JAK2: variants seen among roughly 807,000 people sequenced by gnomAD.
The protein encoded by JAK2 is tyrosine-protein kinase JAK2.
Under a neutral mutation model 139.3 loss-of-function variants are expected in JAK2, and 86 were observed. The ratio of observed to expected loss-of-function variants is 0.62; its 90% confidence interval spans 0.52 to 0.74. The LOEUF (loss-of-function observed/expected upper bound fraction) is 0.74, where lower values mean the gene tolerates loss of function less well. Ranked by LOEUF, JAK2 falls within the 30% of genes least tolerant of loss-of-function variation. JAK2 has a pLI of 0.00. For missense variants in JAK2, 1,421 were observed against 1,360.3 expected (o/e 1.04, Z -0.70); for synonymous variants, 490 against 437.7 (o/e 1.12, Z -1.49).
chr9:4,999,988 T>C (rs1346185180), intron 2 of JAK2, among the ~76,000 whole-genome samples: 1 of 152,208 alleles, frequency 6.6e-6, no homozygotes. Context: ...CTAAGGAAGC[T>C]AAGGAAGAAA....
At chr9:5,072,743 A>T in intron 13 of JAK2, 117 bp downstream of exon 13, 2 of 677,262 alleles carry the variant, frequency 3.0e-6, no homozygotes, top group Non-Finnish European at 4.4e-6. Context: ...AAATGTGTCA[A>T]GGACTTTTCT....
At chr9:5,062,429 A>G (rs749197584) in intron 8 of JAK2, among the ~76,000 whole-genome samples, 10 of 144,786 alleles carry the variant, frequency 6.9e-5, no homozygotes, top group Non-Finnish European at 1.2e-4. Context: ...AAGTAAGCAT[A>G]TGCTATTGGA....
intron 22 of JAK2, among the ~76,000 whole-genome samples, chr9:5,103,918 G>A (rs964409993): frequency 6.6e-5 from 10 of 152,160 alleles, no homozygotes; most frequent in Non-Finnish European, 1.3e-4. Flanking sequence ...ATTTAAGGCA[G>A]TGTGTAGAGG....
intron 2 of JAK2, among the ~76,000 whole-genome samples, chr9:4,997,132 G>T (rs1463137905): frequency 1.3e-5 from 2 of 151,596 alleles, no homozygotes; most frequent in Non-Finnish European, 2.9e-5. Flanking sequence ...GGGTTTCACC[G>T]TGTCACTCAG....
chr9:5,009,539 C>T (rs1025007408), intron 2 of JAK2, among the ~76,000 whole-genome samples: 1 of 151,894 alleles, frequency 6.6e-6, no homozygotes, highest in African/African-American at 2.4e-5. Flanking sequence ...TCTGAGAATA[C>T]CGAGAAAGAT....
intron 22 of JAK2, chr9:5,097,077 T>A (rs1240803759): frequency 6.6e-6 from 1 of 152,156 alleles, no homozygotes; most frequent in Non-Finnish European, 1.5e-5. Flanking sequence ...ACCTAACACA[T>A]GCAGGATCCT....
At chr9:5,043,675 AAAATAAT>A (rs1816782849) in intron 4 of JAK2, among the ~76,000 whole-genome samples, 1 of 152,240 alleles carries the variant, frequency 6.6e-6, no homozygotes, top group South Asian at 2.1e-4. Flanking sequence ...TCACAATAGA[AAAATAAT>A]AGAAACAAAC....
intron 2 of JAK2, among the ~76,000 whole-genome samples, chr9:4,996,968 C>T: frequency 7.3e-6 from 1 of 136,194 alleles, no homozygotes; most frequent in Admixed American, 7.8e-5. Context: ...TTCACTGTCA[C>T]TCAGGCTGGA....
intron 22 of JAK2, chr9:5,108,166 A>G (rs1302175474): frequency 1.3e-5 from 2 of 152,124 alleles, no homozygotes; most frequent in African/African-American, 4.8e-5. Flanking sequence ...AGCCAATATT[A>G]ACTGTTCAAT....
intron 20 of JAK2, 126 bp downstream of exon 20, chr9:5,089,989 T>A (rs1009390268): frequency 1.1e-4 from 56 of 508,854 alleles, no homozygotes; most frequent in Non-Finnish European, 9.5e-6. Flanking sequence ...CATTCTATAA[T>A]GACTAGAGAT....
intron 4 of JAK2, among the ~76,000 whole-genome samples, chr9:5,040,783 C>T (rs1051185079): frequency 1.3e-5 from 2 of 152,338 alleles, no homozygotes; most frequent in South Asian, 2.1e-4. Flanking sequence ...CCTTAACATG[C>T]GGTGGCTGGC....
intron 22 of JAK2, chr9:5,097,646 G>A (rs777090978): frequency 2.0e-5 from 3 of 152,156 alleles, no homozygotes; most frequent in Non-Finnish European, 2.9e-5. Flanking sequence ...ACACTGCGTG[G>A]TGGTAACATC....
At chr9:5,124,131 T>G (rs1029565451) in intron 23 of JAK2, among the ~76,000 whole-genome samples, 1 of 151,942 alleles carries the variant, frequency 6.6e-6, no homozygotes, top group Non-Finnish European at 1.5e-5. Flanking sequence ...ATACAAAGTT[T>G]GCAAATATTT....
intron 8 of JAK2, among the ~76,000 whole-genome samples, chr9:5,062,056 G>A (rs72701605): frequency 0.25 from 37,723 of 151,994 alleles, 4,898 homozygotes; most frequent in South Asian, 0.3. Context: ...TAGGCCCAGT[G>A]TGTGGTGCCC....
intron 20 of JAK2, among the ~76,000 whole-genome samples, chr9:5,090,115 T>C (rs1003996507): frequency 6.6e-6 from 1 of 152,236 alleles, no homozygotes; most frequent in Non-Finnish European, 1.5e-5. Flanking sequence ...GGAATTGTTT[T>C]TGTTTACATT....
intron 19 of JAK2, chr9:5,086,021 A>G (rs1413214944): frequency 1.3e-6 from 1 of 796,510 alleles, no homozygotes; most frequent in Non-Finnish European, 2.3e-6. Context: ...TACTATATAC[A>G]TTTGGACAGG....
At chr9:5,078,204 A>T in intron 15 of JAK2, 102 bp from the exon 16 acceptor site, 1 of 894,624 alleles carries the variant, frequency 1.1e-6, no homozygotes, top group Non-Finnish European at 1.7e-6. Context: ...TTATACTATC[A>T]TGTATTTTTC....
chr9:5,061,779 T>G (rs1043270497), intron 8 of JAK2, among the ~76,000 whole-genome samples: 3 of 152,264 alleles, frequency 2.0e-5, no homozygotes, highest in African/African-American at 7.2e-5. Flanking sequence ...GCAAGAGGCC[T>G]AGCTTTCAGC....
chr9:5,083,199 A>G (rs1259896562), intron 19 of JAK2, among the ~76,000 whole-genome samples: 3 of 140,794 alleles, frequency 2.1e-5, no homozygotes, highest in African/African-American at 8.2e-5. Context: ...TAGTTATCTC[A>G]GGGAGAATTA....
Sources: allele counts gnomAD v4.1 joint callset (sites outside exome capture counted in the v4.1 genomes callset), GRCh38; gene constraint gnomAD v4.1.1; transcripts MANE v1.5; gene names NCBI Gene and HGNC (gene_info 2026-07-23, HGNC 2026-07-21).